Variants in RPS6KB1 observed in about 807,000 individuals in gnomAD.
The protein encoded by RPS6KB1 is ribosomal protein S6 kinase B1.
Under a neutral mutation model 70.2 loss-of-function variants are expected in RPS6KB1, and 12 were observed. That is an observed-to-expected ratio of 0.17 (90% CI 0.11 to 0.28). The LOEUF (loss-of-function observed/expected upper bound fraction) is 0.28, where lower values mean the gene tolerates loss of function less well. Among genes scored for constraint, RPS6KB1 ranks in the 10% least tolerant of loss-of-function variants. The probability of loss-of-function intolerance (pLI) is 1.00; values close to 1 mark genes in which losing one functional copy is unlikely to be tolerated. For missense variants in RPS6KB1, 270 were observed against 646.6 expected (o/e 0.42, Z 6.32); for synonymous variants, 175 against 211.2 (o/e 0.83, Z 1.49).
chr17:59,917,416 C>T (rs992399678), intron 4 of RPS6KB1, among the ~76,000 whole-genome samples: 10 of 152,004 alleles, frequency 6.6e-5, no homozygotes, highest in East Asian at 1.9e-4. Flanking sequence ...CCACTGCGCC[C>T]GGCCTATTTA....
At chr17:59,895,628 T>G (rs1398806776) in intron 1 of RPS6KB1, among the ~76,000 whole-genome samples, 1 of 151,524 alleles carries the variant, frequency 6.6e-6, no homozygotes, top group Non-Finnish European at 1.5e-5. Flanking sequence ...GGCTTTTTAC[T>G]TTATTTTATT....
At chr17:59,918,625 A>T (rs1010244709) in intron 4 of RPS6KB1, among the ~76,000 whole-genome samples, 2 of 151,158 alleles carry the variant, frequency 1.3e-5, no homozygotes, top group Admixed American at 1.3e-4. Context: ...CCACCTCGGC[A>T]TCCCAAAGTG....
At chr17:59,927,233 G>A (rs1427568889) in intron 5 of RPS6KB1, among the ~76,000 whole-genome samples, 2 of 151,976 alleles carry the variant, frequency 1.3e-5, no homozygotes, top group Non-Finnish European at 2.9e-5. Context: ...ACAGGCATGT[G>A]CCACCACGCC....
chr17:59,917,412 C>T lies in RPS6KB1; in HGVS notation c.381+2709C>T, dbSNP rs188008660. Among the ~76,000 whole-genome samples the T allele has an allele frequency of 3.0e-4, 45 of 152,066 alleles. 1 individual carries two copies. The highest frequency in any genetic ancestry group is 1.0e-3 in the South Asian group (5 of 4,808). On this transcript the variant is annotated intron_variant, in intron 4 of 14. Transcript: ENST00000225577. ...ATTGGATTACAGGTATGGCCCACTG[C>T]GCCCGGCCTATTTAATTAAATTAAT...
rs2044931208 is a variant in RPS6KB1 at position 59,946,469 on chromosome 17, C to T, written c.1341-82C>T. On this transcript the variant is annotated intron_variant, in intron 14 of 14. Transcript: ENST00000225577. This position sits in a 1 kb window ranked among gnomAD's most constrained non-coding sequence, Gnocchi z 4.2. The stretch of plus-strand genomic sequence containing the variant: ...AATGAAAATAAATGTCATGTTACCC[C>T]ACTCCCTTTAAACGTAAAGGAAATA... 1.9e-6 allele frequency: 2 copies of T among 1,028,336 alleles called. No homozygotes were observed. Among genetic ancestry groups the T allele is most frequent in the Non-Finnish European group, 1.5e-6 (1 of 667,800 alleles). 63.7% of individuals were successfully genotyped at this position (1,028,336 alleles called of 1,614,324 possible).
intron 13 of RPS6KB1, among the ~76,000 whole-genome samples, chr17:59,944,827 C>A (rs377161187): frequency 3.7e-5 from 5 of 135,356 alleles, no homozygotes; most frequent in Middle Eastern, 9.0e-3. Flanking sequence ...GAGATGGAGT[C>A]TTACTCTGTT....
rs549879048 is a variant in RPS6KB1, at chr17:59,946,228, G to A, written c.1341-323G>A. 6.6e-6 allele frequency among the ~76,000 whole-genome samples: 1 copy of A among 152,264 alleles called. No individual in the cohort carries two copies. Among genetic ancestry groups the A allele is most frequent in the South Asian group, 2.1e-4 (1 of 4,832 alleles). ...AGGAGAAGGGCAGAGGTTTGGAAAA[G>A]TATTTTATTTTAAATGCAATAGAAA... is the stretch of plus-strand genomic sequence containing the variant. On this transcript the variant is annotated intron_variant, in intron 14 of 14. Transcript: ENST00000225577. This position sits in a 1 kb window ranked among gnomAD's most constrained non-coding sequence, Gnocchi z 4.2.
At chr17:59,937,084 A>G (rs1006199491) in intron 12 of RPS6KB1, among the ~76,000 whole-genome samples, 35 of 151,654 alleles carry the variant, frequency 2.3e-4, no homozygotes, top group Admixed American at 2.1e-3. Flanking sequence ...CTGGTCTTGA[A>G]CTCCTGGGCT....
chr17:59,928,251 C>T (rs2043734874), intron 5 of RPS6KB1, among the ~76,000 whole-genome samples: 1 of 152,004 alleles, frequency 6.6e-6, no homozygotes, highest in Non-Finnish European at 1.5e-5. Flanking sequence ...TTTGTTTTAT[C>T]CTATGTATAT....
chr17:59,896,916 TAAAA>T (rs770295990), intron 1 of RPS6KB1, among the ~76,000 whole-genome samples: 1 of 135,828 alleles, frequency 7.4e-6, no homozygotes, highest in African/African-American at 2.7e-5. Flanking sequence ...TACCCTGAAA[TAAAA>T]AAAAAAAAAA....
intron 4 of RPS6KB1, among the ~76,000 whole-genome samples, chr17:59,923,839 C>T (rs2043425955): frequency 6.6e-6 from 1 of 152,056 alleles, no homozygotes; most frequent in African/African-American, 2.4e-5. Flanking sequence ...TTTGGATATC[C>T]TTTTTTTCTA....
intron 12 of RPS6KB1, among the ~76,000 whole-genome samples, chr17:59,940,380 G>GGGTTCAA (rs985621560): frequency 2.7e-5 from 4 of 150,626 alleles, no homozygotes; most frequent in Admixed American, 2.7e-4. Context: ...TGTGCCTCCC[G>GGGTTCAA]GGTTCAAGCA....
At chr17:59,900,221 CACACACA>C (rs1226731682) in intron 1 of RPS6KB1, among the ~76,000 whole-genome samples, 45 of 139,458 alleles carry the variant, frequency 3.2e-4, no homozygotes, top group Admixed American at 9.5e-4. Context: ...CACACACACA[CACACACA>C]CACCCCTATG....
intron 2 of RPS6KB1, among the ~76,000 whole-genome samples, chr17:59,911,537 G>GGT (rs1336352258): frequency 6.2e-4 from 63 of 101,524 alleles, no homozygotes; most frequent in African/African-American, 2.6e-3. Context: ...ATTTTTGTTG[G>GGT]GTTTTTTTTT....
At chr17:59,917,547 C>T (rs1054965107) in intron 4 of RPS6KB1, among the ~76,000 whole-genome samples, 1 of 152,084 alleles carries the variant, frequency 6.6e-6, no homozygotes, top group Admixed American at 6.6e-5. Flanking sequence ...AAGCGATCCT[C>T]CTGCCACAAC....
At chr17:59,906,071 T>G (rs1194825025) in intron 1 of RPS6KB1, among the ~76,000 whole-genome samples, 1 of 152,194 alleles carries the variant, frequency 6.6e-6, no homozygotes, top group African/African-American at 2.4e-5. Context: ...ATTATTTGAT[T>G]TGTATGTGGA....
chr17:59,941,859 CTT>C (rs1197414948), intron 13 of RPS6KB1, among the ~76,000 whole-genome samples: 11 of 117,032 alleles, frequency 9.4e-5, no homozygotes, highest in Admixed American at 1.8e-4. Context: ...GTCTCGATTT[CTT>C]TTTTTTTTTT....
intron 12 of RPS6KB1, among the ~76,000 whole-genome samples, chr17:59,940,134 T>G (rs1397418237): frequency 6.6e-6 from 1 of 152,154 alleles, no homozygotes; most frequent in Non-Finnish European, 1.5e-5. Flanking sequence ...TTTTTCAGGT[T>G]TATTACAAAC....
intron 4 of RPS6KB1, among the ~76,000 whole-genome samples, chr17:59,918,059 G>A (rs1016487145): frequency 2.6e-5 from 4 of 151,526 alleles, no homozygotes; most frequent in Admixed American, 6.6e-5. Context: ...TCAGCCTCCC[G>A]AGTAGCTGGG....
Sources: allele counts gnomAD v4.1 joint callset (sites outside exome capture counted in the v4.1 genomes callset), GRCh38; gene constraint gnomAD v4.1.1; non-coding constraint Gnocchi (gnomAD v3.1); transcripts MANE v1.5; gene names NCBI Gene and HGNC (gene_info 2026-07-23, HGNC 2026-07-21).